Variants in NELL1 observed in about 807,000 individuals in gnomAD.
NELL1 encodes the protein protein kinase C-binding protein NELL1.
Under a neutral mutation model 107.4 loss-of-function variants are expected in NELL1, and 76 were observed. The ratio of observed to expected loss-of-function variants is 0.71; its 90% CI spans 0.59 to 0.86. NELL1 has a LOEUF of 0.86. Ranked by LOEUF, NELL1 falls within the 40% of genes least tolerant of loss-of-function variation. NELL1 has a pLI of 0.00. For synonymous variants in NELL1, 353 were observed against 341.2 expected (o/e 1.03, Z -0.38); for missense variants, 1,024 against 1,005.5 (o/e 1.02, Z -0.25).
chr11:20,890,017 A>G (rs1849586568), intron 5 of NELL1, among the ~76,000 whole-genome samples: 1 of 152,230 alleles, frequency 6.6e-6, no homozygotes, highest in South Asian at 2.1e-4. Context: ...TGCCTCATTA[A>G]ACAGGTCCTG....
chr11:21,499,021 A>G (rs1046083379), intron 15 of NELL1, among the ~76,000 whole-genome samples: 1 of 152,070 alleles, frequency 6.6e-6, no homozygotes, highest in African/African-American at 2.4e-5. Context: ...ATAATTAGAC[A>G]CTGAATATTC....
At chr11:20,906,511 T>C (rs1019761452) in intron 5 of NELL1, among the ~76,000 whole-genome samples, 8 of 152,080 alleles carry the variant, frequency 5.3e-5, no homozygotes, top group African/African-American at 1.9e-4. Flanking sequence ...TCAGAATTAC[T>C]ATAATACCAA....
At chr11:21,188,481 A>G (rs114649828) in intron 13 of NELL1, among the ~76,000 whole-genome samples, 2,774 of 92,298 alleles carry the variant, frequency 0.03, 139 homozygotes, top group African/African-American at 0.068. Flanking sequence ...TCAGGGCCCT[A>G]TGGCTTTTTT....
chr11:21,075,421 A>T (rs1854111763), intron 12 of NELL1, among the ~76,000 whole-genome samples: 1 of 152,100 alleles, frequency 6.6e-6, no homozygotes. Flanking sequence ...CAGGAGCTTC[A>T]TGCTTGAGGT....
chr11:21,106,324 G>T (rs568940497), intron 12 of NELL1, among the ~76,000 whole-genome samples: 1 of 152,134 alleles, frequency 6.6e-6, no homozygotes, highest in East Asian at 2.0e-4. Context: ...TCTGTAACAT[G>T]AGGATGATTC....
intron 15 of NELL1, among the ~76,000 whole-genome samples, chr11:21,377,079 A>G (rs1474293666): frequency 1.3e-5 from 2 of 152,020 alleles, no homozygotes; most frequent in East Asian, 1.9e-4. Flanking sequence ...CTCCAATACT[A>G]TGTTGAATAG....
intron 12 of NELL1, among the ~76,000 whole-genome samples, chr11:21,057,233 C>A (rs1014579028): frequency 3.3e-5 from 5 of 152,028 alleles, no homozygotes; most frequent in Non-Finnish European, 7.4e-5. Flanking sequence ...TGTTAAATTT[C>A]TCTGCTAATC....
intron 15 of NELL1, among the ~76,000 whole-genome samples, chr11:21,425,205 T>C (rs754920302): frequency 7.2e-5 from 11 of 152,022 alleles, no homozygotes; most frequent in Non-Finnish European, 1.3e-4. Flanking sequence ...TCCCAATGAC[T>C]CAACAAATTC....
Position 20,997,752 on chromosome 11 carries a change from T to C in NELL1, c.1300+37192T>C, listed in dbSNP as rs936740459. Among the ~76,000 whole-genome samples the C allele has an allele frequency of 3.3e-5, 5 of 152,296 alleles. No individual in the cohort carries two copies. The South Asian group carries it at 1.0e-3, about 32-fold the overall frequency. On this transcript the variant is annotated intron_variant, in intron 12 of 19. Transcript: ENST00000357134. ...GCCTGTAATCTCAGCATTTTGAGCA[T>C]TGCTTGAGCCCAGGAGTTCAGGACC... is the stretch of plus-strand genomic sequence containing the variant.
chr11:21,515,202 G>A (rs1044630300), intron 15 of NELL1, among the ~76,000 whole-genome samples: 6 of 152,140 alleles, frequency 3.9e-5, no homozygotes, highest in Admixed American at 6.5e-5. Context: ...GAAACAATCT[G>A]TAGACTTCTC....
At chr11:21,178,388 C>T (rs1856754991) in intron 13 of NELL1, among the ~76,000 whole-genome samples, 1 of 151,790 alleles carries the variant, frequency 6.6e-6, no homozygotes, top group Non-Finnish European at 1.5e-5. Context: ...AGGTAGTGTG[C>T]TGGATTATCT....
intron 2 of NELL1, among the ~76,000 whole-genome samples, chr11:20,715,176 T>C (rs1285572047): frequency 1.3e-5 from 2 of 151,334 alleles, no homozygotes; most frequent in Non-Finnish European, 2.9e-5. Flanking sequence ...ACCCAGGAGG[T>C]GGAGCTTGCA....
intron 14 of NELL1, among the ~76,000 whole-genome samples, chr11:21,252,763 A>G (rs180964533): frequency 2.6e-5 from 4 of 152,276 alleles, no homozygotes; most frequent in Admixed American, 6.5e-5. Flanking sequence ...AAAGAAGGAA[A>G]ACACTCAGGA....
chr11:20,987,960 T>C (rs1851885847), intron 12 of NELL1, among the ~76,000 whole-genome samples: 1 of 152,192 alleles, frequency 6.6e-6, no homozygotes. Flanking sequence ...TCCTAGTTAA[T>C]AGAAAAGAAA....
chr11:21,278,716 G>T (rs1848925604), intron 14 of NELL1, among the ~76,000 whole-genome samples: 1 of 152,164 alleles, frequency 6.6e-6, no homozygotes, highest in Non-Finnish European at 1.5e-5. Flanking sequence ...TACCAAATTT[G>T]ATTCAAGATT....
intron 13 of NELL1, among the ~76,000 whole-genome samples, chr11:21,136,542 G>T (rs914945920): frequency 3.3e-5 from 5 of 152,144 alleles, no homozygotes; most frequent in Admixed American, 2.0e-4. Flanking sequence ...GTATTGTTGA[G>T]TTCAAAGAGG....
At chr11:21,111,399 G>A (rs1013828080) in intron 12 of NELL1, among the ~76,000 whole-genome samples, 1 of 152,048 alleles carries the variant, frequency 6.6e-6, no homozygotes, top group Admixed American at 6.6e-5. Flanking sequence ...TCTACCTGAT[G>A]AATTCTTGCT....
At chr11:21,194,693 G>A (rs1857116495) in intron 13 of NELL1, among the ~76,000 whole-genome samples, 1 of 152,026 alleles carries the variant, frequency 6.6e-6, no homozygotes, top group African/African-American at 2.4e-5. Flanking sequence ...TAGGGGTAAG[G>A]CCCAGAAATC....
At chr11:21,448,721 G>A (rs1000416215) in intron 15 of NELL1, among the ~76,000 whole-genome samples, 5 of 152,016 alleles carry the variant, frequency 3.3e-5, no homozygotes, top group Non-Finnish European at 5.9e-5. Context: ...TAATTTGCTC[G>A]CCCACTCTTC....
Sources: allele counts gnomAD v4.1 joint callset (sites outside exome capture counted in the v4.1 genomes callset), GRCh38; gene constraint gnomAD v4.1.1; transcripts MANE v1.5; gene names NCBI Gene and HGNC (gene_info 2026-07-23, HGNC 2026-07-21).